Variants in FBXW7 observed in about 807,000 individuals in gnomAD.
FBXW7 encodes the protein F-box/WD repeat-containing protein 7.
Under a neutral mutation model 86.3 loss-of-function variants are expected in FBXW7, and 11 were observed. The ratio of observed to expected loss-of-function variants is 0.13; its 90% CI spans 0.08 to 0.21. The LOEUF (loss-of-function observed/expected upper bound fraction) is 0.21, where lower values mean the gene tolerates loss of function less well. Ranked by LOEUF, FBXW7 falls within the 10% of genes least tolerant of loss-of-function variation. FBXW7 has a pLI of 1.00. For missense variants in FBXW7, 488 were observed against 847.4 expected, an observed-to-expected ratio of 0.58 and a Z score of 5.27; for synonymous variants, 313 against 297.9, an observed-to-expected ratio of 1.05 and a Z score of -0.52.
chr4:152,514,084 A>C (rs1161745407), intron 2 of FBXW7, among the ~76,000 whole-genome samples: 1 of 152,232 alleles, frequency 6.6e-6, no homozygotes, highest in African/African-American at 2.4e-5. Context: ...ATTGTGTTAA[A>C]TAAAATATAT....
chr4:152,416,263 T>C (rs1738421242), intron 2 of FBXW7, among the ~76,000 whole-genome samples: 1 of 152,148 alleles, frequency 6.6e-6, no homozygotes, highest in African/African-American at 2.4e-5. Flanking sequence ...TCGAGCCAGG[T>C]CACAAACACA....
intron 4 of FBXW7, among the ~76,000 whole-genome samples, chr4:152,395,652 C>A (rs1736361984): frequency 1.3e-5 from 2 of 152,042 alleles, no homozygotes; most frequent in African/African-American, 2.4e-5. Flanking sequence ...AAGTGCTATG[C>A]ATATGCCGCA....
intron 2 of FBXW7, among the ~76,000 whole-genome samples, chr4:152,445,118 G>A (rs1741251902): frequency 6.6e-6 from 1 of 152,154 alleles, no homozygotes; most frequent in Admixed American, 6.5e-5. Context: ...GAGCCACCGT[G>A]CCCAGCCCTG....
At chr4:152,531,937 G>A (rs1215408234) in intron 2 of FBXW7, among the ~76,000 whole-genome samples, 1 of 151,294 alleles carries the variant, frequency 6.6e-6, no homozygotes, top group Non-Finnish European at 1.5e-5. Context: ...CTAAACTGGT[G>A]GCCATGTTTA....
At position 152,535,453 on chromosome 4, in the gene FBXW7, C is replaced by A; in HGVS notation, c.-539G>T. 1 of 391,890 alleles carries A rather than the reference C, an allele frequency of 2.6e-6. No individual in the cohort carries two copies. Among genetic ancestry groups the A allele is most frequent in the Admixed American group, 4.4e-5 (1 of 22,484 alleles). The allele number at this position is 391,890 out of a possible 1,614,324, so 24.3% of individuals were successfully genotyped here. A position where few individuals can be genotyped will look rare whatever the true frequency, so the allele number is the denominator to read the frequency against. ...GGCGGCGTCGGTCCTGTTCTCTCCG[C>A]CGCCCCAGCCGCCGCTTCACATCGG... On this transcript the variant is annotated 5_prime_UTR_variant, in exon 1 of 14. Transcript: ENST00000281708.
At chr4:152,507,677 T>C (rs553752265) in intron 2 of FBXW7, among the ~76,000 whole-genome samples, 2 of 152,286 alleles carry the variant, frequency 1.3e-5, no homozygotes, top group South Asian at 4.1e-4. Context: ...GGAATCAATA[T>C]TCCTTGGTGA....
At chr4:152,430,726 A>T (rs1342329041) in intron 2 of FBXW7, among the ~76,000 whole-genome samples, 1 of 152,158 alleles carries the variant, frequency 6.6e-6, no homozygotes, top group Non-Finnish European at 1.5e-5. Flanking sequence ...CCAGGGTAGA[A>T]TGAAGTTCAT....
At position 152,348,499 on chromosome 4, in the gene FBXW7, G is replaced by C. The variant is rs558904246; in HGVS notation, c.585-1428C>G. Among the ~76,000 whole-genome samples, 3 of 151,868 alleles carry C rather than the reference G, an allele frequency of 2.0e-5. No homozygotes were observed. The South Asian group carries it at 6.3e-4, about 32-fold the overall frequency. On this transcript the variant is annotated intron_variant, in intron 5 of 13. Transcript: ENST00000281708. The stretch of plus-strand genomic sequence containing the variant: ...TAAATATGCTGTTTGGTCTAATTTT[G>C]CTTTAATAAAATTATATATTAACAG...
At chr4:152,508,248 G>T (rs1747614566) in intron 2 of FBXW7, among the ~76,000 whole-genome samples, 1 of 151,564 alleles carries the variant, frequency 6.6e-6, no homozygotes, top group African/African-American at 2.4e-5. Flanking sequence ...GATATAAGAG[G>T]GGAAAAAAAA....
intron 2 of FBXW7, among the ~76,000 whole-genome samples, chr4:152,450,454 C>A (rs1005869906): frequency 2.6e-5 from 4 of 152,140 alleles, no homozygotes; most frequent in African/African-American, 9.7e-5. Context: ...CTTAAATGAG[C>A]AAAAGAACTT....
intron 4 of FBXW7, chr4:152,352,869 T>A: frequency 6.8e-7 from 1 of 1,470,994 alleles, no homozygotes; most frequent in Non-Finnish European, 8.9e-7. Flanking sequence ...AGATTACATC[T>A]TCCCTTGAAC....
At chr4:152,451,115 A>C (rs1741872621) in intron 2 of FBXW7, among the ~76,000 whole-genome samples, 1 of 152,242 alleles carries the variant, frequency 6.6e-6, no homozygotes, top group South Asian at 2.1e-4. Context: ...TAGAAGAAAA[A>C]GAAGCATAAT....
At chr4:152,458,002 TTTTTGTTTTG>T (rs747175585) in intron 2 of FBXW7, among the ~76,000 whole-genome samples, 25 of 152,154 alleles carry the variant, frequency 1.6e-4, no homozygotes, top group African/African-American at 5.1e-4. Flanking sequence ...CTTTCTTTGT[TTTTTGTTTTG>T]TTTTGTTTTG....
chr4:152,375,863 T>C (rs1267428498), intron 4 of FBXW7, among the ~76,000 whole-genome samples: 2 of 151,868 alleles, frequency 1.3e-5, no homozygotes, highest in East Asian at 1.9e-4. Context: ...ATAAAACTAC[T>C]TGTAGAAATC....
At chr4:152,362,592 T>C (rs893937768) in intron 4 of FBXW7, among the ~76,000 whole-genome samples, 1 of 151,864 alleles carries the variant, frequency 6.6e-6, no homozygotes, top group African/African-American at 2.4e-5. Context: ...AGGTGGATCA[T>C]AAGGTCACGA....
At chr4:152,470,569 T>C (rs1743855989) in intron 2 of FBXW7, among the ~76,000 whole-genome samples, 2 of 152,140 alleles carry the variant, frequency 1.3e-5, no homozygotes, top group African/African-American at 4.8e-5. Flanking sequence ...TAAAATATTT[T>C]ATGCATAACA....
chr4:152,380,593 C>T (rs1315293359), intron 4 of FBXW7, among the ~76,000 whole-genome samples: 1 of 151,760 alleles, frequency 6.6e-6, no homozygotes. Flanking sequence ...CCAGAAAGCC[C>T]TCAGGAAAGC....
intron 4 of FBXW7, among the ~76,000 whole-genome samples, chr4:152,366,020 A>G (rs562525557): frequency 1.3e-5 from 2 of 152,298 alleles, no homozygotes; most frequent in South Asian, 4.1e-4. Context: ...GACATACCCT[A>G]ATCAACAATG....
chr4:152,347,470 A>G (rs1731381655), intron 5 of FBXW7, among the ~76,000 whole-genome samples: 1 of 152,188 alleles, frequency 6.6e-6, no homozygotes, highest in Non-Finnish European at 1.5e-5. Flanking sequence ...AAGGGTTGTG[A>G]TACTTTATTA....
Sources: gnomAD v4.1 joint callset for allele counts (sites outside exome capture counted in the v4.1 genomes callset) on GRCh38, gnomAD v4.1.1 for gene constraint, MANE v1.5 for transcripts, NCBI Gene and HGNC (gene_info 2026-07-23, HGNC 2026-07-21) for gene names.